GPHN: variants seen among roughly 807,000 people sequenced by gnomAD.
GPHN encodes the protein gephyrin.
A neutral mutation model predicts 95.5 loss-of-function variants in GPHN; 17 were observed. The ratio of observed to expected loss-of-function variants is 0.18; its 90% CI spans 0.12 to 0.27. GPHN has a LOEUF of 0.27. GPHN is among the 10% of genes least tolerant of loss of function. GPHN has a pLI of 1.00. For missense variants in GPHN, 660 were observed against 978.1 expected (o/e 0.67, Z 4.34); for synonymous variants, 320 against 322.5 (o/e 0.99, Z 0.08).
the GPHN span, chr14:67,352,935 C>T: frequency 1.2e-6 from 2 of 1,607,562 alleles, no homozygotes; most frequent in Non-Finnish European, 1.7e-6. Flanking sequence ...CTATTATCTT[C>T]TTTAGGATCT....
At chr14:67,727,403 T>C in the GPHN span, 2 of 569,806 alleles carry the variant, frequency 3.5e-6, no homozygotes, top group Non-Finnish European at 6.3e-6. Flanking sequence ...AGTTACCTTG[T>C]ATTTGTGTCA....
chr14:67,666,902 T>G, the GPHN span, among the ~76,000 whole-genome samples: 1 of 152,078 alleles, frequency 6.6e-6, no homozygotes, highest in Admixed American at 6.6e-5. Flanking sequence ...TAACAACTGG[T>G]AAAATCTGTT....
intron 3 of GPHN, 35 bp from the exon 4 acceptor site, chr14:66,824,439 T>C (rs747734087): frequency 5.2e-6 from 6 of 1,148,148 alleles, no homozygotes; most frequent in Admixed American, 5.1e-5. Flanking sequence ...CAGGCAAATT[T>C]TTCTGCACAT....
the GPHN span, among the ~76,000 whole-genome samples, chr14:67,219,943 G>A: frequency 6.6e-6 from 1 of 152,188 alleles, no homozygotes; most frequent in Non-Finnish European, 1.5e-5. Flanking sequence ...ACTAGCTAGA[G>A]TCTAATTTGA....
intron 2 of GPHN, among the ~76,000 whole-genome samples, chr14:66,720,924 A>T (rs973576358): frequency 4.6e-5 from 7 of 152,206 alleles, no homozygotes; most frequent in African/African-American, 1.7e-4. Context: ...ATATCCTAAG[A>T]GAAAATGCTT....
the GPHN span, among the ~76,000 whole-genome samples, chr14:67,702,374 T>C: frequency 6.6e-6 from 1 of 152,314 alleles, no homozygotes. Context: ...GGGTATTTTG[T>C]TGATAACTCA....
rs528269026 is a variant in GPHN at position 66,904,573 on chromosome 14, A to C, written c.390-11430A>C. ...CTCTTGTAAGACATAAAAGTTCTCC[A>C]AGTCCCTGGTTGACCCAGGAAGTCC... On this transcript the variant is annotated intron_variant, in intron 5 of 22. Transcript: ENST00000478722. Among the ~76,000 whole-genome samples the C allele has an allele frequency of 1.6e-4, 24 of 152,242 alleles. 1 individual carries two copies. The East Asian group carries it at 4.6e-3, about 29-fold the overall frequency.
chr14:67,725,942 C>G, the GPHN span: 3 of 819,340 alleles, frequency 3.7e-6, no homozygotes, highest in African/African-American at 5.0e-5. Flanking sequence ...AAATGTTACC[C>G]CAACAAAGAC....
At chr14:66,988,669 G>A (rs745429617) in intron 9 of GPHN, among the ~76,000 whole-genome samples, 1 of 151,980 alleles carries the variant, frequency 6.6e-6, no homozygotes, top group Non-Finnish European at 1.5e-5. Flanking sequence ...CATTGAAGGA[G>A]GACAGTACCT....
chr14:67,593,861 AAC>A, the GPHN span: 1 of 1,612,534 alleles, frequency 6.2e-7, no homozygotes, highest in Admixed American at 1.7e-5. Context: ...ATCAATGATT[AAC>A]AGAGTCTCCT....
At chr14:67,578,025 C>T in the GPHN span, 3 of 1,613,114 alleles carry the variant, frequency 1.9e-6, no homozygotes, top group Non-Finnish European at 2.5e-6. The surrounding 1 kb of genome is among the most constrained non-coding windows in gnomAD (Gnocchi z 5.0). Flanking sequence ...CCTCCCAGTC[C>T]TGCCAGCTCT....
the GPHN span, chr14:67,593,897 T>C: frequency 7.4e-6 from 12 of 1,613,474 alleles, no homozygotes; most frequent in Non-Finnish European, 1.0e-5. Context: ...AAAATGGAGA[T>C]AACCAAGCAG....
chr14:67,683,526 C>G, the GPHN span, among the ~76,000 whole-genome samples: 1 of 152,168 alleles, frequency 6.6e-6, no homozygotes, highest in African/African-American at 2.4e-5. Flanking sequence ...GCAATAGCAA[C>G]CTGATTTCCT....
the GPHN span, chr14:67,690,538 A>G: frequency 1.2e-6 from 1 of 802,540 alleles, no homozygotes; most frequent in Non-Finnish European, 2.0e-6. Flanking sequence ...CTTTCCCTCC[A>G]ACTTTTCATT....
the GPHN span, among the ~76,000 whole-genome samples, chr14:67,634,405 T>C: frequency 6.9e-6 from 1 of 145,098 alleles, no homozygotes; most frequent in African/African-American, 2.6e-5. Context: ...CCAGCCTGGG[T>C]AGCATGGCAA....
At chr14:67,176,517 G>A (rs2082961136) in intron 21 of GPHN, among the ~76,000 whole-genome samples, 1 of 152,154 alleles carries the variant, frequency 6.6e-6, no homozygotes, top group African/African-American at 2.4e-5. Flanking sequence ...ATGTTCATCA[G>A]GATATTGGCC....
At chr14:67,201,184 C>T in the GPHN span, among the ~76,000 whole-genome samples, 1 of 152,124 alleles carries the variant, frequency 6.6e-6, no homozygotes, top group Admixed American at 6.6e-5. Flanking sequence ...TTCCTAGCTA[C>T]TCGGAAGGCT....
intron 6 of GPHN, among the ~76,000 whole-genome samples, chr14:66,916,482 T>G (rs1281135064): frequency 2.0e-5 from 3 of 151,360 alleles, no homozygotes; most frequent in South Asian, 2.1e-4. Flanking sequence ...TCCAGAGTTT[T>G]TTTTTTTTTT....
At chr14:66,805,853 C>T (rs2060519295) in intron 3 of GPHN, among the ~76,000 whole-genome samples, 1 of 152,152 alleles carries the variant, frequency 6.6e-6, no homozygotes, top group African/African-American at 2.4e-5. Flanking sequence ...CTTTTTCAGG[C>T]ACACGGTACC....
Sources: allele counts gnomAD v4.1 joint callset (sites outside exome capture counted in the v4.1 genomes callset), GRCh38; gene constraint gnomAD v4.1.1; non-coding constraint Gnocchi (gnomAD v3.1); transcripts MANE v1.5; gene names NCBI Gene and HGNC (gene_info 2026-07-23, HGNC 2026-07-21).